The following ATXN2 variants were observed in gnomAD, a reference collection of about 807,000 sequenced individuals.
ATXN2 encodes the protein ataxin-2.
A neutral mutation model predicts 138.6 loss-of-function variants in ATXN2; 37 were observed. The ratio of observed to expected loss-of-function variants is 0.27; its 90% CI spans 0.21 to 0.35. The LOEUF is 0.35. Among genes scored for constraint, ATXN2 ranks in the 10% least tolerant of loss-of-function variants. The pLI is 1.00. For missense variants in ATXN2, 1,216 were observed against 1,480.3 expected (o/e 0.82, Z 2.93); for synonymous variants, 549 against 543.7 (o/e 1.01, Z -0.13).
At chr12:111,526,417 CTTTTT>C (rs1880511307) in intron 5 of ATXN2, among the ~76,000 whole-genome samples, 1 of 76,410 alleles carries the variant, frequency 1.3e-5, no homozygotes, top group East Asian at 5.3e-4. Flanking sequence ...TTTTTTTTTT[CTTTTT>C]TGAGATGGAG....
At chr12:111,541,543 G>C (rs1881519979) in intron 5 of ATXN2, among the ~76,000 whole-genome samples, 1 of 147,620 alleles carries the variant, frequency 6.8e-6, no homozygotes, top group African/African-American at 2.4e-5. Context: ...TAGAGACGGG[G>C]TTTCTCCATG....
intron 1 of ATXN2, among the ~76,000 whole-genome samples, chr12:111,584,282 T>C (rs1884188403): frequency 7.3e-6 from 1 of 137,240 alleles, no homozygotes; most frequent in Non-Finnish European, 1.5e-5. Context: ...CTCAGGAGGC[T>C]GAGGTGGGAG....
At chr12:111,489,389 C>T (rs1323164485) in intron 14 of ATXN2, among the ~76,000 whole-genome samples, 4 of 152,008 alleles carry the variant, frequency 2.6e-5, no homozygotes, top group South Asian at 2.1e-4. Context: ...CCAAGGCAGG[C>T]GGATCACGAG....
chr12:111,539,616 G>A (rs772049296), intron 5 of ATXN2, among the ~76,000 whole-genome samples: 4 of 149,630 alleles, frequency 2.7e-5, no homozygotes, highest in Admixed American at 6.7e-5. Context: ...GCGCTGTGGC[G>A]GGTACCTCTA....
chr12:111,571,178 T>G (rs1007865540), intron 1 of ATXN2, among the ~76,000 whole-genome samples: 1 of 152,232 alleles, frequency 6.6e-6, no homozygotes, highest in Non-Finnish European at 1.5e-5. Context: ...GTAAAGTCCC[T>G]GCTCCTGTGT....
At chr12:111,510,662 G>A in intron 11 of ATXN2, 80 bp from the exon 12 acceptor site, 4 of 1,309,440 alleles carry the variant, frequency 3.1e-6, no homozygotes, top group Non-Finnish European at 3.2e-6. Flanking sequence ...CTTCTCTGAA[G>A]ATCTAGGTAA....
At chr12:111,488,923 T>C (rs1269327115) in intron 14 of ATXN2, 143 bp from the exon 15 acceptor site, 26 of 739,394 alleles carry the variant, frequency 3.5e-5, no homozygotes, top group Non-Finnish European at 5.1e-5. Flanking sequence ...AGTAATGCTT[T>C]TACTATAAAC....
chr12:111,570,153 G>A (rs548761712), intron 1 of ATXN2, among the ~76,000 whole-genome samples: 368 of 152,150 alleles, frequency 2.4e-3, no homozygotes, highest in Non-Finnish European at 3.8e-3. Flanking sequence ...CCCCTTCCAC[G>A]GCATTCATAT....
intron 1 of ATXN2, among the ~76,000 whole-genome samples, chr12:111,563,711 T>C (rs1450882564): frequency 1.3e-5 from 2 of 152,214 alleles, no homozygotes; most frequent in African/African-American, 2.4e-5. Flanking sequence ...TCTAAAATTA[T>C]GTTTAAGTAA....
intron 5 of ATXN2, among the ~76,000 whole-genome samples, chr12:111,533,009 A>G (rs902452290): frequency 1.1e-4 from 17 of 152,228 alleles, no homozygotes; most frequent in African/African-American, 4.1e-4. Context: ...TCTTAGAGGA[A>G]CAGAGAACAC....
chr12:111,511,888 C>G (rs1879547633), intron 11 of ATXN2: 1 of 152,182 alleles, frequency 6.6e-6, no homozygotes, highest in East Asian at 1.9e-4. Context: ...TCACATGAAG[C>G]TGAGCAGAAA....
At chr12:111,502,504 A>G (rs1465538263) in intron 14 of ATXN2, among the ~76,000 whole-genome samples, 1 of 151,842 alleles carries the variant, frequency 6.6e-6, no homozygotes, top group Non-Finnish European at 1.5e-5. Flanking sequence ...ATCTTAACTC[A>G]TGGCAACCAC....
intron 1 of ATXN2, among the ~76,000 whole-genome samples, chr12:111,576,999 G>T (rs1883701164): frequency 6.6e-6 from 1 of 151,234 alleles, no homozygotes; most frequent in Non-Finnish European, 1.5e-5. Flanking sequence ...CAAACCCAGG[G>T]TTTCACCACG....
At chr12:111,556,021 T>C (rs1426284574) in intron 1 of ATXN2, 102 bp from the exon 2 acceptor site, 1 of 959,744 alleles carries the variant, frequency 1.0e-6, no homozygotes, top group Non-Finnish European at 1.5e-6. Flanking sequence ...AAGGAGAGGC[T>C]ATCTGTGGGG....
Position 111,516,379 on chromosome 12 carries a change from A to T in ATXN2, c.1166-16T>A. The T allele has an allele frequency of 6.5e-7, 1 of 1,547,300 alleles. No individual in the cohort carries two copies. Among genetic ancestry groups the T allele is most frequent in the Non-Finnish European group, 8.7e-7 (1 of 1,146,452 alleles). On this transcript the variant is annotated splice_polypyrimidine_tract_variant and intron_variant, in intron 9 of 24. Coordinates refer to ENST00000673436, the MANE Select transcript of ATXN2 (RefSeq NM_001372574.1). This position sits in a 1 kb window ranked among gnomAD's most constrained non-coding sequence, Gnocchi z 5.0. ...CAGGGAACACCTGACAGAACAAATG[A>T]TATGAAGGAAAGTATAAAAACTAAA...
At chr12:111,566,725 C>T (rs1353416064) in intron 1 of ATXN2, among the ~76,000 whole-genome samples, 1 of 151,842 alleles carries the variant, frequency 6.6e-6, no homozygotes, top group Non-Finnish European at 1.5e-5. Flanking sequence ...CAACCTCCAC[C>T]TCCCAGGTTC....
intron 1 of ATXN2, among the ~76,000 whole-genome samples, chr12:111,560,405 C>G (rs1882617165): frequency 6.6e-6 from 1 of 152,030 alleles, no homozygotes; most frequent in South Asian, 2.1e-4. Context: ...ATTTTTATAT[C>G]CAACGGGGGG....
In ATXN2 at chr12:111,599,139, G is replaced by A. The variant is rs1280690354; in HGVS notation, c.-105C>T. ...GGCGGGGACGCGCGGGCGCCGAGCG[G>A]GGAGGCGCGGGTTGGCGCGGCCGGA... On this transcript the variant is annotated 5_prime_UTR_variant, in exon 1 of 25. Coordinates refer to ENST00000673436, the MANE Select transcript of ATXN2 (RefSeq NM_001372574.1). The A allele has an allele frequency of 8.2e-7, 1 of 1,218,184 alleles. No homozygotes were observed. The highest frequency in any genetic ancestry group is 1.6e-5 in the African/African-American group (1 of 63,208). The allele number at this position is 1,218,184 out of a possible 1,614,324, so 75.5% of individuals were successfully genotyped here. A position where few individuals can be genotyped will look rare whatever the true frequency, so the allele number is the denominator to read the frequency against.
At chr12:111,509,518 A>T in intron 14 of ATXN2, 31 bp downstream of exon 14, 1 of 1,240,668 alleles carries the variant, frequency 8.1e-7, no homozygotes, top group Non-Finnish European at 1.1e-6. Context: ...ATTTTCTAAA[A>T]CTCAAATTCA....
Sources: allele counts gnomAD v4.1 joint callset (sites outside exome capture counted in the v4.1 genomes callset), GRCh38; gene constraint gnomAD v4.1.1; non-coding constraint Gnocchi (gnomAD v3.1); transcripts MANE v1.5; gene names NCBI Gene and HGNC (gene_info 2026-07-23, HGNC 2026-07-21).